CPPED1: variants seen among roughly 807,000 people sequenced by gnomAD.
CPPED1 encodes serine/threonine-protein phosphatase CPPED1.
Under a neutral mutation model 28.0 loss-of-function variants are expected in CPPED1, and 28 were observed. The observed-to-expected ratio is 1.00, with a 90% CI of 0.74 to 1.37. The LOEUF (loss-of-function observed/expected upper bound fraction) is 1.37. Among genes scored for constraint, CPPED1 ranks in the 40% most tolerant of loss-of-function variants. The pLI is 0.00. For missense variants in CPPED1, 504 were observed against 416.5 expected (o/e 1.21, Z -1.83); for synonymous variants, 198 against 180.2 (o/e 1.10, Z -0.79).
chr16:12,701,971 T>A (rs1278126660), intron 3 of CPPED1, among the ~76,000 whole-genome samples: 1 of 152,156 alleles, frequency 6.6e-6, no homozygotes, highest in African/African-American at 2.4e-5. Context: ...CTGATTATAA[T>A]TGGGCTTCCC....
At chr16:12,736,480 C>CT (rs1448962358) in intron 2 of CPPED1, among the ~76,000 whole-genome samples, 2 of 152,114 alleles carry the variant, frequency 1.3e-5, no homozygotes. Context: ...CTCATGTGAT[C>CT]TACCTGCCTC....
At chr16:12,686,459 G>T (rs2079934033) in intron 3 of CPPED1, among the ~76,000 whole-genome samples, 1 of 152,202 alleles carries the variant, frequency 6.6e-6, no homozygotes, top group South Asian at 2.1e-4. Context: ...GCCGCAGAGG[G>T]TTTCTTTGTC....
intron 1 of CPPED1, among the ~76,000 whole-genome samples, chr16:12,799,012 G>T (rs570321099): frequency 6.6e-6 from 1 of 152,264 alleles, no homozygotes; most frequent in South Asian, 2.1e-4. Flanking sequence ...CTACTGGAAG[G>T]AGTTGATGGG....
intron 1 of CPPED1, among the ~76,000 whole-genome samples, chr16:12,784,643 G>C: frequency 6.6e-6 from 1 of 151,564 alleles, no homozygotes; most frequent in Admixed American, 6.6e-5. Flanking sequence ...TTACACCAAT[G>C]AATGCTTCTA....
chr16:12,659,952 T>TCAGTGTCATG lies in CPPED1; in HGVS notation c.*4924_*4933dup, dbSNP rs1383810672. 2.0e-5 allele frequency: 3 copies of TCAGTGTCATG among 152,098 alleles called. No individual in the cohort carries two copies. Among genetic ancestry groups the TCAGTGTCATG allele is most frequent in the African/African-American group, 7.2e-5 (3 of 41,398 alleles). 9.4% of individuals were successfully genotyped at this position (152,098 alleles called of 1,614,324 possible). On this transcript the variant is annotated 3_prime_UTR_variant, in exon 4 of 4. Transcript: ENST00000381774. Reference sequence around the variant, plus strand: ...GAAGGAGCTATCAAACACAAAACCATCAGTGTCATGAGAACTCACTATCAC... The same window carrying TCAGTGTCATG: ...GAAGGAGCTATCAAACACAAAACCATCAGTGTCATGCAGTGTCATGAGAACTCACTATCAC...
chr16:12,757,210 A>G (rs1275078659), intron 2 of CPPED1, among the ~76,000 whole-genome samples: 1 of 152,158 alleles, frequency 6.6e-6, no homozygotes, highest in African/African-American at 2.4e-5. Flanking sequence ...GTTATAGCCC[A>G]GGGCTGAGGG....
At chr16:12,746,668 A>G (rs187217058) in intron 2 of CPPED1, among the ~76,000 whole-genome samples, 3 of 152,316 alleles carry the variant, frequency 2.0e-5, no homozygotes, top group East Asian at 3.9e-4. Context: ...TCTTTGTAAA[A>G]GAAAAAAAAT....
At chr16:12,743,216 G>C (rs2080265624) in intron 2 of CPPED1, among the ~76,000 whole-genome samples, 1 of 152,196 alleles carries the variant, frequency 6.6e-6, no homozygotes, top group East Asian at 1.9e-4. Context: ...GGACTTCTCT[G>C]CTAGTGAAGT....
chr16:12,668,254 C>T (rs549110929), intron 3 of CPPED1, among the ~76,000 whole-genome samples: 12 of 152,136 alleles, frequency 7.9e-5, no homozygotes, highest in East Asian at 5.8e-4. Context: ...GATGACCAAA[C>T]GCCAATATTT....
intron 2 of CPPED1, among the ~76,000 whole-genome samples, chr16:12,710,829 A>G (rs1329373874): frequency 6.6e-6 from 1 of 152,248 alleles, no homozygotes; most frequent in East Asian, 1.9e-4. Flanking sequence ...TCAAAGAGAC[A>G]GAAAATAACA....
Position 12,750,434 on chromosome 16 carries a change from G to A in CPPED1, c.289+30751C>T, listed in dbSNP as rs182810324. Among the ~76,000 whole-genome samples the A allele has an allele frequency of 1.5e-3, 233 of 152,234 alleles. 1 individual carries two copies. The highest frequency in any genetic ancestry group is 2.7e-3 in the Non-Finnish European group (185 of 68,016). On this transcript the variant is annotated intron_variant, in intron 2 of 3. Coordinates refer to ENST00000381774, the MANE Select transcript of CPPED1 (RefSeq NM_018340.3). ...CTAATTTCATTATTAGTGTGATTCA[G>A]GAAATAAGGAGGCCCCAAAAGAGGG...
chr16:12,763,156 T>C (rs1378864426), intron 2 of CPPED1, among the ~76,000 whole-genome samples: 1 of 149,930 alleles, frequency 6.7e-6, no homozygotes, highest in Non-Finnish European at 1.5e-5. Flanking sequence ...TGCTTAAACC[T>C]GGGAGGCGGA....
At chr16:12,763,328 C>G (rs1252665775) in intron 2 of CPPED1, among the ~76,000 whole-genome samples, 1 of 152,072 alleles carries the variant, frequency 6.6e-6, no homozygotes, top group Non-Finnish European at 1.5e-5. Flanking sequence ...GCCTCAGCCT[C>G]CCAAAGTGCT....
chr16:12,681,001 T>C (rs905607036), intron 3 of CPPED1, among the ~76,000 whole-genome samples: 3 of 151,570 alleles, frequency 2.0e-5, no homozygotes, highest in Non-Finnish European at 4.4e-5. Flanking sequence ...TCTTTCTTTC[T>C]TTTTAATGTT....
intron 3 of CPPED1, among the ~76,000 whole-genome samples, chr16:12,679,247 G>A (rs1483867264): frequency 1.3e-5 from 2 of 152,134 alleles, no homozygotes; most frequent in African/African-American, 2.4e-5. Context: ...GCAGGTTCAC[G>A]GACTTACTAT....
rs1473484151 is a variant in CPPED1 at position 12,682,454 on chromosome 16, C to G, written c.716-17339G>C. ...AGAGGAGGGCTGTATTTTTTTAATA[C>G]TAATATTTGGTTGTCAGAAAAGCAG... On this transcript the variant is annotated intron_variant, in intron 3 of 3. Coordinates refer to ENST00000381774, the MANE Select transcript of CPPED1 (RefSeq NM_018340.3). The surrounding 1 kb of genome is among the most constrained non-coding windows in gnomAD (Gnocchi z 6.1). 3.3e-5 allele frequency among the ~76,000 whole-genome samples: 5 copies of G among 152,024 alleles called. No individual in the cohort carries two copies. The highest frequency in any genetic ancestry group is 7.4e-5 in the Non-Finnish European group (5 of 68,014).
At chr16:12,735,494 G>A (rs751194350) in intron 2 of CPPED1, among the ~76,000 whole-genome samples, 10 of 152,200 alleles carry the variant, frequency 6.6e-5, no homozygotes, top group Non-Finnish European at 1.0e-4. Flanking sequence ...TATTACAGGC[G>A]AGGTTTCACC....
intron 2 of CPPED1, among the ~76,000 whole-genome samples, chr16:12,740,564 T>C (rs1002359931): frequency 1.3e-5 from 2 of 152,174 alleles, no homozygotes; most frequent in African/African-American, 4.8e-5. Context: ...CTACTGGGGA[T>C]GAGGACAATA....
Position 12,803,839 on chromosome 16 carries a change from C to T in CPPED1, c.-63G>A. On this transcript the variant is annotated 5_prime_UTR_variant, in exon 1 of 4. The change creates a new upstream start codon in the 5' untranslated region. Coordinates refer to ENST00000381774, the MANE Select transcript of CPPED1 (RefSeq NM_018340.3). ...TGGGTGGAAGCCGCGCGACTTCACA[C>T]AGAACAACCGCTGGACCTGTCCCGC... 2 of 1,483,386 alleles carry T rather than the reference C, an allele frequency of 1.3e-6. No individual in the cohort carries two copies. Among genetic ancestry groups the T allele is most frequent in the South Asian group, 2.5e-5 (2 of 81,316 alleles). The allele number at this position is 1,483,386 out of a possible 1,614,324, so 91.9% of individuals were successfully genotyped here.
Sources: gnomAD v4.1 joint callset for allele counts (sites outside exome capture counted in the v4.1 genomes callset) on GRCh38, gnomAD v4.1.1 for gene constraint, Gnocchi (gnomAD v3.1) non-coding constraint, MANE v1.5 for transcripts, NCBI Gene and HGNC (gene_info 2026-07-23, HGNC 2026-07-21) for gene names.